The following MAN1A1 variants were observed in gnomAD, a reference collection of about 807,000 sequenced individuals.
MAN1A1 encodes the protein mannosidase alpha class 1A member 1.
A neutral mutation model predicts 70.8 loss-of-function variants in MAN1A1; 29 were observed. The observed-to-expected ratio is 0.41, with a 90% CI of 0.31 to 0.56. MAN1A1 has a LOEUF of 0.56. Ranked by LOEUF, MAN1A1 falls within the 20% of genes least tolerant of loss-of-function variation. The pLI, the probability that MAN1A1 is intolerant of heterozygous loss-of-function variation, is 0.29. For synonymous variants in MAN1A1, 349 were observed against 330.1 expected (o/e 1.06, Z -0.62); for missense variants, 747 against 841.3 (o/e 0.89, Z 1.39).
chr6:119,220,745 T>C (rs960362748), intron 6 of MAN1A1, among the ~76,000 whole-genome samples: 5 of 152,226 alleles, frequency 3.3e-5, no homozygotes, highest in Non-Finnish European at 7.3e-5. Flanking sequence ...TCTGCTTTTT[T>C]CAGATACTAC....
chr6:119,331,427 G>A (rs890494443), intron 2 of MAN1A1, among the ~76,000 whole-genome samples: 2 of 151,798 alleles, frequency 1.3e-5, no homozygotes, highest in Middle Eastern at 3.2e-3. Flanking sequence ...AATAAAGGAA[G>A]CAAATTTAGA....
chr6:119,245,904 T>C (rs1775156722), intron 6 of MAN1A1, among the ~76,000 whole-genome samples: 1 of 152,072 alleles, frequency 6.6e-6, no homozygotes, highest in African/African-American at 2.4e-5. Flanking sequence ...TTATAAAAAA[T>C]TTGAATGCCC....
chr6:119,218,328 T>C (rs964386112), intron 6 of MAN1A1, among the ~76,000 whole-genome samples: 3 of 152,304 alleles, frequency 2.0e-5, no homozygotes, highest in South Asian at 2.1e-4. Context: ...CCTGAAAATC[T>C]GTACAATAAC....
At chr6:119,235,079 G>A (rs1340192991) in intron 6 of MAN1A1, among the ~76,000 whole-genome samples, 1 of 152,126 alleles carries the variant, frequency 6.6e-6, no homozygotes, top group African/African-American at 2.4e-5. Flanking sequence ...CCACTGACCA[G>A]CTGTTTCGCA....
chr6:119,209,005 G>A (rs1033719284), intron 6 of MAN1A1, among the ~76,000 whole-genome samples: 5 of 149,954 alleles, frequency 3.3e-5, no homozygotes, highest in African/African-American at 1.2e-4. Context: ...GGAGGCAGGA[G>A]GATCACTTGA....
At position 119,348,499 on chromosome 6, in the gene MAN1A1, G is replaced by A; in HGVS notation, c.567C>T (p.Asp189=). ...PIGVESREPA[D]AAIREKRAKI... is the part of the protein sequence containing the mutation. ...TTGCCCTTTTCTCGCGGATGGCGGC[G>A]TCGGCGGGCTCCCGGCTCTCCACCC... The change falls in exon 2 of 13, where the codon GAC becomes GAT. Residue 189 remains aspartate (D), a synonymous_variant. Transcript: ENST00000368468. 1 of 1,608,996 alleles carries A rather than the reference G, an allele frequency of 6.2e-7. No individual in the cohort carries two copies. The highest frequency in any genetic ancestry group is 8.5e-7 in the Non-Finnish European group (1 of 1,177,480).
At chr6:119,243,607 T>C (rs1252156655) in intron 6 of MAN1A1, among the ~76,000 whole-genome samples, 1 of 152,082 alleles carries the variant, frequency 6.6e-6, no homozygotes, top group African/African-American at 2.4e-5. Flanking sequence ...TATGCTTCCC[T>C]AGGATAATCT....
In MAN1A1 at chr6:119,316,286, T is replaced by C. The variant is rs1439834192; in HGVS notation, c.604-9294A>G. Among the ~76,000 whole-genome samples the C allele has an allele frequency of 6.6e-5, 10 of 151,508 alleles. No individual in the cohort carries two copies. The East Asian group carries it at 1.8e-3, about 27-fold the overall frequency. On this transcript the variant is annotated intron_variant, in intron 2 of 12. Transcript: ENST00000368468. ...TCCACCTCCCGCGTTCAAGCGATTG[T>C]CCTGCCTCAGCCTCCTGAGCAGCTG...
chr6:119,347,098 C>G (rs1019777268), intron 2 of MAN1A1, among the ~76,000 whole-genome samples: 1 of 152,206 alleles, frequency 6.6e-6, no homozygotes, highest in East Asian at 2.0e-4. Context: ...TGCTGATGGA[C>G]TGTGGAAGGA....
intron 6 of MAN1A1, among the ~76,000 whole-genome samples, chr6:119,227,403 T>C (rs1051010900): frequency 6.6e-6 from 1 of 152,172 alleles, no homozygotes; most frequent in Non-Finnish European, 1.5e-5. Context: ...TTAAAATGGG[T>C]GTATTCTTCA....
At chr6:119,220,120 T>C (rs1397574508) in intron 6 of MAN1A1, among the ~76,000 whole-genome samples, 1 of 152,150 alleles carries the variant, frequency 6.6e-6, no homozygotes, top group Non-Finnish European at 1.5e-5. Context: ...TTTAGAATGA[T>C]TTTCAAAAGA....
At chr6:119,196,051 T>C (rs906954369) in intron 8 of MAN1A1, among the ~76,000 whole-genome samples, 8 of 152,078 alleles carry the variant, frequency 5.3e-5, no homozygotes, top group South Asian at 4.1e-4. Flanking sequence ...AAAACAACAC[T>C]GACTCGATGA....
chr6:119,277,806 G>A (rs934123400), intron 5 of MAN1A1, among the ~76,000 whole-genome samples: 13 of 151,276 alleles, frequency 8.6e-5, no homozygotes, highest in East Asian at 3.9e-4. Context: ...GCGTGGTGGC[G>A]GGCGCCTGTA....
intron 6 of MAN1A1, among the ~76,000 whole-genome samples, chr6:119,247,174 T>C (rs970634220): frequency 6.6e-6 from 1 of 152,234 alleles, no homozygotes; most frequent in African/African-American, 2.4e-5. Flanking sequence ...TAGGAAGAAA[T>C]GTGCATTAAT....
intron 2 of MAN1A1, chr6:119,331,937 T>G: frequency 2.0e-6 from 1 of 509,588 alleles, no homozygotes; most frequent in Non-Finnish European, 3.9e-6. Context: ...CAGACAGACC[T>G]GGATTTCAAC....
chr6:119,336,838 T>C (rs1351838323), intron 2 of MAN1A1, among the ~76,000 whole-genome samples: 1 of 152,184 alleles, frequency 6.6e-6, no homozygotes, highest in Non-Finnish European at 1.5e-5. Flanking sequence ...ACTCTAGGTA[T>C]ATCCTGTATA....
intron 5 of MAN1A1, among the ~76,000 whole-genome samples, chr6:119,288,458 G>A (rs543069492): frequency 6.6e-6 from 1 of 151,940 alleles, no homozygotes; most frequent in South Asian, 2.1e-4. Flanking sequence ...TTAAATGAAT[G>A]CTCATTTAAA....
intron 9 of MAN1A1, among the ~76,000 whole-genome samples, chr6:119,190,670 G>T: frequency 6.6e-6 from 1 of 152,194 alleles, no homozygotes; most frequent in East Asian, 1.9e-4. Flanking sequence ...ATGAATAAAT[G>T]TATATATTTT....
At chr6:119,324,008 A>G (rs951244921) in intron 2 of MAN1A1, among the ~76,000 whole-genome samples, 4 of 152,220 alleles carry the variant, frequency 2.6e-5, no homozygotes, top group African/African-American at 9.6e-5. Flanking sequence ...ACTGTAATGC[A>G]TAGTTATCTT....
Sources: gnomAD v4.1 joint callset for allele counts (sites outside exome capture counted in the v4.1 genomes callset) on GRCh38, gnomAD v4.1.1 for gene constraint, MANE v1.5 for transcripts, NCBI Gene and HGNC (gene_info 2026-07-23, HGNC 2026-07-21) for gene names.